Variants in TMEM135 observed in about 807,000 individuals in gnomAD.
The protein encoded by TMEM135 is peroxisomal membrane protein 52.
In TMEM135, 30 loss-of-function variants were observed where a neutral mutation model predicts 60.3. The ratio of observed to expected loss-of-function variants is 0.50; its 90% CI spans 0.37 to 0.68. The LOEUF (loss-of-function observed/expected upper bound fraction) is 0.68. Ranked by LOEUF, TMEM135 falls within the 30% of genes least tolerant of loss-of-function variation. The pLI, the probability that TMEM135 is intolerant of heterozygous loss-of-function variation, is 0.00. For synonymous variants in TMEM135, 190 were observed against 186.7 expected, an observed-to-expected ratio of 1.02 and a Z score of -0.14; for missense variants, 468 against 548.8, an observed-to-expected ratio of 0.85 and a Z score of 1.47.
chr11:87,087,696 A>C (rs1715624119), intron 3 of TMEM135, among the ~76,000 whole-genome samples: 1 of 152,134 alleles, frequency 6.6e-6, no homozygotes, highest in Non-Finnish European at 1.5e-5. Flanking sequence ...AGGCTTTTAA[A>C]ATTGGCTCTG....
intron 5 of TMEM135, among the ~76,000 whole-genome samples, chr11:87,219,833 G>A (rs1386822868): frequency 1.3e-5 from 2 of 152,100 alleles, no homozygotes; most frequent in African/African-American, 4.8e-5. Flanking sequence ...TTGTGGTTTA[G>A]TGTCATAACA....
intron 1 of TMEM135, among the ~76,000 whole-genome samples, chr11:87,039,756 GGAAA>G (rs1242523567): frequency 6.6e-6 from 1 of 152,164 alleles, no homozygotes; most frequent in African/African-American, 2.4e-5. Flanking sequence ...TGATATAGGT[GGAAA>G]GAGAGTTTAT....
intron 5 of TMEM135, among the ~76,000 whole-genome samples, chr11:87,173,020 A>C (rs1939279861): frequency 6.6e-6 from 1 of 152,044 alleles, no homozygotes; most frequent in East Asian, 1.9e-4. Flanking sequence ...GCATTTTCTT[A>C]CTGTTGAATG....
chr11:87,189,206 G>A (rs182501181), intron 5 of TMEM135, among the ~76,000 whole-genome samples: 80 of 131,930 alleles, frequency 6.1e-4, no homozygotes, highest in Middle Eastern at 4.1e-3. Flanking sequence ...TGCCTCCCAG[G>A]CTGGAGTACA....
At chr11:87,100,559 G>T (rs963781056) in intron 4 of TMEM135, among the ~76,000 whole-genome samples, 1 of 152,082 alleles carries the variant, frequency 6.6e-6, no homozygotes, top group Non-Finnish European at 1.5e-5. Flanking sequence ...AATATTTACT[G>T]TTTTTTGGTA....
At chr11:87,245,141 T>C (rs1941235859) in intron 6 of TMEM135, among the ~76,000 whole-genome samples, 1 of 145,320 alleles carries the variant, frequency 6.9e-6, no homozygotes, top group African/African-American at 2.6e-5. Flanking sequence ...GTTGTTCAGT[T>C]TCCATGTAGT....
intron 5 of TMEM135, among the ~76,000 whole-genome samples, chr11:87,198,963 T>A (rs1940032400): frequency 1.3e-5 from 2 of 152,234 alleles, no homozygotes; most frequent in Admixed American, 6.5e-5. Context: ...TATGCAGTGC[T>A]ATAATAGAAT....
intron 6 of TMEM135, among the ~76,000 whole-genome samples, chr11:87,240,769 A>T (rs1205658116): frequency 3.9e-5 from 6 of 152,196 alleles, no homozygotes; most frequent in Non-Finnish European, 8.8e-5. Context: ...AATTTAAAAT[A>T]GTACTGTAAA....
At chr11:87,156,288 A>T (rs1938693815) in intron 4 of TMEM135, among the ~76,000 whole-genome samples, 1 of 152,140 alleles carries the variant, frequency 6.6e-6, no homozygotes, top group African/African-American at 2.4e-5. Flanking sequence ...TTTAAATCCG[A>T]AAGTGAGTCC....
At chr11:87,194,726 A>G (rs1009731505) in intron 5 of TMEM135, among the ~76,000 whole-genome samples, 3 of 151,344 alleles carry the variant, frequency 2.0e-5, no homozygotes, top group Non-Finnish European at 4.4e-5. Flanking sequence ...ATTCTCTTTG[A>G]AGTCAGTAGT....
intron 3 of TMEM135, among the ~76,000 whole-genome samples, chr11:87,075,243 C>G (rs1856846719): frequency 6.6e-6 from 1 of 151,746 alleles, no homozygotes; most frequent in Non-Finnish European, 1.5e-5. Context: ...ACTGCAAGCT[C>G]CGCCTCCCGG....
At chr11:87,059,349 G>A (rs1949924250) in intron 1 of TMEM135, among the ~76,000 whole-genome samples, 1 of 147,840 alleles carries the variant, frequency 6.8e-6, no homozygotes, top group Admixed American at 6.9e-5. Flanking sequence ...CTGTTGCCCA[G>A]GCTGAAGTGC....
chr11:87,102,906 C>G (rs1170770567), intron 4 of TMEM135, among the ~76,000 whole-genome samples: 1 of 151,960 alleles, frequency 6.6e-6, no homozygotes, highest in African/African-American at 2.4e-5. Flanking sequence ...ATTTATTTCT[C>G]TTGTCTCACT....
chr11:87,065,509 G>A (rs1000548395), intron 1 of TMEM135, among the ~76,000 whole-genome samples: 1 of 151,954 alleles, frequency 6.6e-6, no homozygotes, highest in African/African-American at 2.4e-5. Flanking sequence ...TTTTCTAATT[G>A]GGTTGTTTGC....
chr11:87,214,862 C>T (rs1940462973), intron 5 of TMEM135, among the ~76,000 whole-genome samples: 3 of 152,024 alleles, frequency 2.0e-5, no homozygotes, highest in Non-Finnish European at 4.4e-5. Context: ...ATTATTAGGT[C>T]ATTGTAAAAT....
chr11:87,240,117 T>C (rs1464839573), intron 6 of TMEM135, among the ~76,000 whole-genome samples: 1 of 152,110 alleles, frequency 6.6e-6, no homozygotes, highest in Non-Finnish European at 1.5e-5. Context: ...TCTGTTCTGG[T>C]CAGCTGGCCT....
intron 6 of TMEM135, among the ~76,000 whole-genome samples, chr11:87,260,528 T>C (rs1484056419): frequency 7.6e-6 from 1 of 130,906 alleles, no homozygotes; most frequent in Admixed American, 7.6e-5. Flanking sequence ...GAATTTATTA[T>C]CTATTTTTTT....
At chr11:87,234,857 G>A (rs887967327) in intron 5 of TMEM135, among the ~76,000 whole-genome samples, 1 of 151,758 alleles carries the variant, frequency 6.6e-6, no homozygotes, top group African/African-American at 2.4e-5. Context: ...AGATAGGTTA[G>A]CATATTAGGA....
intron 5 of TMEM135, among the ~76,000 whole-genome samples, chr11:87,220,881 C>G (rs971510677): frequency 6.6e-6 from 1 of 151,992 alleles, no homozygotes; most frequent in Non-Finnish European, 1.5e-5. Context: ...CAAGGTAGTT[C>G]GTTGGAATAA....
Sources: gnomAD v4.1 joint callset for allele counts (sites outside exome capture counted in the v4.1 genomes callset) on GRCh38, gnomAD v4.1.1 for gene constraint, MANE v1.5 for transcripts, NCBI Gene and HGNC (gene_info 2026-07-23, HGNC 2026-07-21) for gene names.